Variants in ASAH1 observed in about 807,000 individuals in gnomAD.
ASAH1 encodes N-acylsphingosine amidohydrolase 1, also known as acid ceramidase.
Under a neutral mutation model 59.5 loss-of-function variants are expected in ASAH1, and 70 were observed. That is an observed-to-expected ratio of 1.18 (90% confidence interval 0.97 to 1.43). The LOEUF (loss-of-function observed/expected upper bound fraction) is 1.43, where lower values mean the gene tolerates loss of function less well. ASAH1 is among the 40% of genes most tolerant of loss of function. ASAH1 has a pLI of 0.00. For synonymous variants in ASAH1, 213 were observed against 166.5 expected, an observed-to-expected ratio of 1.28 and a Z score of -2.15; for missense variants, 660 against 482.5, an observed-to-expected ratio of 1.37 and a Z score of -3.45.
chr8:18,057,705 G>T, intron 13 of ASAH1, 82 bp from the exon 14 acceptor site: 1 of 932,126 alleles, frequency 1.1e-6, no homozygotes, highest in Non-Finnish European at 1.6e-6. Flanking sequence ...TATACTTGTA[G>T]AATTTGCTTT....
chr8:18,073,427 T>C (rs1174018965), intron 2 of ASAH1, among the ~76,000 whole-genome samples: 1 of 152,220 alleles, frequency 6.6e-6, no homozygotes, highest in Non-Finnish European at 1.5e-5. Flanking sequence ...TCCATGCCAT[T>C]CATAATATCA....
chr8:18,084,442 G>A, upstream of ASAH1: 1 of 1,360,600 alleles, frequency 7.3e-7, no homozygotes, highest in Non-Finnish European at 9.6e-7. Flanking sequence ...TAGCAGGCGG[G>A]TGCAGCCTGT....
chr8:18,079,803 T>A (rs183723757), intron 1 of ASAH1, among the ~76,000 whole-genome samples: 16 of 152,384 alleles, frequency 1.0e-4, no homozygotes, highest in Non-Finnish European at 1.3e-4. Flanking sequence ...TGTCCTCTTA[T>A]GTACAACTCA....
chr8:18,073,363 C>G lies in ASAH1; in HGVS notation c.126-1973G>C. On this transcript the variant is annotated intron_variant, in intron 2 of 13. Coordinates refer to ENST00000637790, the MANE Select transcript of ASAH1 (RefSeq NM_177924.5). ...GTCATCACAATTTATTTTCCTACTT[C>G]ACTGCAAACAAGAAATATCATTTCA... 7 of 1,216,420 alleles carry G rather than the reference C, an allele frequency of 5.8e-6. No homozygotes were observed. The South Asian group carries it at 9.6e-5, about 17-fold the overall frequency. 75.4% of individuals were successfully genotyped at this position (1,216,420 alleles called of 1,614,324 possible).
intron 1 of ASAH1, among the ~76,000 whole-genome samples, chr8:18,080,780 A>C (rs755394891): frequency 6.6e-5 from 10 of 151,808 alleles, no homozygotes; most frequent in Admixed American, 2.6e-4. Flanking sequence ...CTAGTCTCAA[A>C]CTCCTGACCT....
chr8:18,070,227 G>A (rs570578197), intron 3 of ASAH1, among the ~76,000 whole-genome samples: 27 of 151,968 alleles, frequency 1.8e-4, no homozygotes, highest in Non-Finnish European at 2.8e-4. Flanking sequence ...TCTGCTCACC[G>A]CAACCTCTGC....
chr8:18,063,023 C>T (rs1341858607), intron 7 of ASAH1, 162 bp downstream of exon 7: 2 of 659,778 alleles, frequency 3.0e-6, no homozygotes, highest in African/African-American at 3.6e-5. Flanking sequence ...ATGCCCACCA[C>T]CATGCCTGGC....
chr8:18,066,422 C>CAAAAAAAAAAAAAAAAAAACAA (rs35999931), intron 5 of ASAH1: 1 of 127,338 alleles, frequency 7.9e-6, no homozygotes, highest in Non-Finnish European at 1.7e-5. Flanking sequence ...CAAAGAAAAC[C>CAAAAAAAAAAAAAAAAAAACAA]AAAAAAAAAA....
intron 1 of ASAH1, among the ~76,000 whole-genome samples, chr8:18,081,711 A>T (rs1463611167): frequency 6.6e-6 from 1 of 152,254 alleles, no homozygotes. Flanking sequence ...CTTGTTTCCA[A>T]TTTAAAGCTG....
chr8:18,063,875 A>G (rs1161043206), intron 6 of ASAH1: 2 of 159,322 alleles, frequency 1.3e-5, no homozygotes, highest in African/African-American at 4.8e-5. Flanking sequence ...TGATTCATCA[A>G]ATGTTTCCCT....
chr8:18,076,695 T>A (rs529764615), intron 1 of ASAH1: 1 of 152,282 alleles, frequency 6.6e-6, no homozygotes, highest in East Asian at 1.9e-4. Flanking sequence ...CTTGGAACTG[T>A]AGCTTGAGCT....
chr8:18,067,598 A>T, intron 4 of ASAH1: 1 of 164,548 alleles, frequency 6.1e-6, no homozygotes, highest in Non-Finnish European at 1.3e-5. Flanking sequence ...CAGGAACGAG[A>T]GTAATTCCAC....
chr8:18,074,468 C>T (rs368154123), intron 2 of ASAH1, among the ~76,000 whole-genome samples: 2 of 152,130 alleles, frequency 1.3e-5, no homozygotes, highest in African/African-American at 2.4e-5. Flanking sequence ...AACAGTACAA[C>T]GTAAGTAATT....
At position 18,084,080 on chromosome 8, in the gene ASAH1, T is replaced by G. The variant is rs765396156; in HGVS notation, c.-22A>C. On this transcript the variant is annotated 5_prime_UTR_variant, in exon 1 of 14. Coordinates refer to ENST00000637790, the MANE Select transcript of ASAH1 (RefSeq NM_177924.5). ...GCATCGCTCTAGCAGCCAACGCCAC[T>G]CCCCGGACTCCAGCAGAGGCAAAGA... The G allele has an allele frequency of 8.8e-6, 14 of 1,597,710 alleles. No homozygotes were observed. Among genetic ancestry groups the G allele is most frequent in the Non-Finnish European group, 1.2e-5 (14 of 1,179,542 alleles).
intron 2 of ASAH1, among the ~76,000 whole-genome samples, chr8:18,073,926 G>A (rs1211927573): frequency 6.6e-6 from 1 of 152,178 alleles, no homozygotes; most frequent in African/African-American, 2.4e-5. Flanking sequence ...TACAAGTTAT[G>A]TCCATGTATA....
chr8:18,069,775 G>T lies in ASAH1; in HGVS notation c.303+17C>A. On this transcript the variant is annotated intron_variant, in intron 4 of 13. Coordinates refer to ENST00000637790, the MANE Select transcript of ASAH1 (RefSeq NM_177924.5). Reference sequence around the variant, plus strand: ...TCTATGTGCTTAACATTTATTGTGAGAAATAATATCTCTTACCAATTTTTC... The same window carrying T: ...TCTATGTGCTTAACATTTATTGTGATAAATAATATCTCTTACCAATTTTTC... 6.6e-7 allele frequency: 1 copy of T among 1,509,586 alleles called. No homozygotes were observed. The highest frequency in any genetic ancestry group is 9.2e-7 in the Non-Finnish European group (1 of 1,086,838). The allele number at this position is 1,509,586 out of a possible 1,614,324, so 93.5% of individuals were successfully genotyped here. A position where few individuals can be genotyped will look rare whatever the true frequency, so the allele number is the denominator to read the frequency against.
intron 3 of ASAH1, among the ~76,000 whole-genome samples, chr8:18,070,896 G>A (rs183921708): frequency 6.6e-6 from 1 of 152,154 alleles, no homozygotes; most frequent in East Asian, 1.9e-4. Flanking sequence ...GGTCCTTGGG[G>A]GGAAAATAAA....
In ASAH1 at chr8:18,059,412, A is replaced by G; in HGVS notation, c.970T>C (p.Trp324Arg). The change falls in exon 12 of 14, where the codon TGG becomes CGG. Residue 324 changes from tryptophan to arginine, a missense_variant. Transcript: ENST00000637790. The stretch of plus-strand genomic sequence containing the variant: ...TCATCAAGGAAGAAGGGATGTTTCC[A>G]ACGGTCATAATTTGTTTGTACCACA... Reference protein sequence around the residue: ...WYVVQTNYDRWKHPFFLDDRR... With the variant: ...WYVVQTNYDRRKHPFFLDDRR... 6.2e-7 allele frequency: 1 copy of G among 1,614,210 alleles called. No individual in the cohort carries two copies. The highest frequency in any genetic ancestry group is 8.5e-7 in the Non-Finnish European group (1 of 1,180,030).
chr8:18,084,323 G>C, upstream of ASAH1: 1 of 1,423,064 alleles, frequency 7.0e-7, no homozygotes, highest in Non-Finnish European at 9.2e-7. Flanking sequence ...TTGGCGCGTG[G>C]CGTGATCCAT....
Sources: allele counts gnomAD v4.1 joint callset (sites outside exome capture counted in the v4.1 genomes callset), GRCh38; gene constraint gnomAD v4.1.1; transcripts MANE v1.5; gene names NCBI Gene and HGNC (gene_info 2026-07-23, HGNC 2026-07-21).